Variants in PACSIN2 observed in about 807,000 individuals in gnomAD.
PACSIN2 encodes protein kinase C and casein kinase substrate in neurons protein 2.
In PACSIN2, 25 loss-of-function variants were observed where a neutral mutation model predicts 63.8. The ratio of observed to expected loss-of-function variants is 0.39; its 90% CI spans 0.29 to 0.55. PACSIN2 has a LOEUF of 0.55. Ranked by LOEUF, PACSIN2 falls within the 20% of genes least tolerant of loss-of-function variation. The pLI is 0.62. For missense variants in PACSIN2, 518 were observed against 646.9 expected, an observed-to-expected ratio of 0.80 and a Z score of 2.16; for synonymous variants, 255 against 256.2, an observed-to-expected ratio of 1.00 and a Z score of 0.05.
intron 2 of PACSIN2, among the ~76,000 whole-genome samples, chr22:42,903,842 T>G (rs1930871741): frequency 6.6e-6 from 1 of 152,184 alleles, no homozygotes; most frequent in Non-Finnish European, 1.5e-5. Flanking sequence ...ACTTGGGGTT[T>G]TCAGTTCTTG....
intron 1 of PACSIN2, among the ~76,000 whole-genome samples, chr22:42,950,078 T>C (rs1411017110): frequency 6.6e-6 from 1 of 152,002 alleles, no homozygotes; most frequent in Non-Finnish European, 1.5e-5. Flanking sequence ...GAATCGAAAA[T>C]ATACGGGGGA....
chr22:42,943,708 T>G (rs1197146393), intron 1 of PACSIN2, among the ~76,000 whole-genome samples: 1 of 152,200 alleles, frequency 6.6e-6, no homozygotes, highest in Non-Finnish European at 1.5e-5. Flanking sequence ...TATATTTTGA[T>G]GAATTTCAAG....
Position 42,884,554 on chromosome 22 carries a change from T to C in PACSIN2, c.617A>G (p.Glu206Gly), listed in dbSNP as rs1929337292. 1.9e-6 allele frequency: 3 copies of C among 1,613,248 alleles called. No individual in the cohort carries two copies. Among genetic ancestry groups the C allele is most frequent in the Non-Finnish European group, 2.5e-6 (3 of 1,179,638 alleles). The change falls in exon 6 of 11, where the codon GAG becomes GGG. Residue 206 changes from glutamate to glycine, a missense_variant. Physicochemically the swap from Glu to Gly is moderately conservative, Grantham distance 98. Coordinates refer to ENST00000263246, the MANE Select transcript of PACSIN2 (RefSeq NM_001184970.3). ...KCKQDVLKTK[E>G]KYEKSLKELD... is the part of the protein sequence containing the mutation. Reference sequence around the variant, plus strand: ...TTCCTTCAGGGACTTCTCATACTTCTCTTTGGTCTAAAGGAAAATCCAGGC... The same window carrying C: ...TTCCTTCAGGGACTTCTCATACTTCCCTTTGGTCTAAAGGAAAATCCAGGC...
At chr22:42,884,611 T>C (rs776490456) in intron 5 of PACSIN2, 50 bp from the exon 6 acceptor site, 10 of 1,493,980 alleles carry the variant, frequency 6.7e-6, no homozygotes, top group Non-Finnish European at 9.2e-6. Flanking sequence ...ATTTAGCCCT[T>C]GGCTCACCCT....
At chr22:42,993,111 T>C (rs112149965) in intron 1 of PACSIN2, among the ~76,000 whole-genome samples, 11,622 of 151,360 alleles carry the variant, frequency 0.077, 589 homozygotes, top group Non-Finnish European at 0.11. Flanking sequence ...GAGGCGGAGG[T>C]TGCAGTGAGT....
chr22:42,957,344 T>C lies in PACSIN2; in HGVS notation c.-77-45187A>G, dbSNP rs78430113. Reference sequence around the variant, plus strand: ...CCAGTTTTCCTGAAGTGCTTTTGTTTCAGAAATTCTTCAAGGCATATATTC... The same window carrying C: ...CCAGTTTTCCTGAAGTGCTTTTGTTCCAGAAATTCTTCAAGGCATATATTC... On this transcript the variant is annotated intron_variant, in intron 1 of 10. Coordinates refer to ENST00000263246, the MANE Select transcript of PACSIN2 (RefSeq NM_001184970.3). 4.3e-3 allele frequency among the ~76,000 whole-genome samples: 650 copies of C among 152,362 alleles called. 3 individuals are homozygous for C. Among genetic ancestry groups the C allele is most frequent in the African/African-American group, 0.015 (614 of 41,588 alleles).
At chr22:42,999,176 G>C (rs193237416) in intron 1 of PACSIN2, among the ~76,000 whole-genome samples, 186 of 152,328 alleles carry the variant, frequency 1.2e-3, no homozygotes, top group Admixed American at 2.7e-3. Context: ...CCTAGACACT[G>C]CTGTGGGGCC....
intron 5 of PACSIN2, 59 bp from the exon 6 acceptor site, chr22:42,884,620 C>G: frequency 6.9e-7 from 1 of 1,452,446 alleles, no homozygotes; most frequent in Non-Finnish European, 9.5e-7. Context: ...TTGGCTCACC[C>G]TGCCCCTGGA....
At chr22:42,991,280 C>T (rs968197979) in intron 1 of PACSIN2, among the ~76,000 whole-genome samples, 1 of 152,094 alleles carries the variant, frequency 6.6e-6, no homozygotes, top group Admixed American at 6.6e-5. Flanking sequence ...TAAAGCTGGT[C>T]AAGGACAAGC....
chr22:42,993,099 G>A (rs531433667), intron 1 of PACSIN2, among the ~76,000 whole-genome samples: 87 of 152,126 alleles, frequency 5.7e-4, no homozygotes, highest in African/African-American at 2.0e-3. Flanking sequence ...ACTTCAACCC[G>A]GGAGGCGGAG....
chr22:42,936,169 T>C lies in PACSIN2; in HGVS notation c.-77-24012A>G, dbSNP rs146868509. On this transcript the variant is annotated intron_variant, in intron 1 of 10. Coordinates refer to ENST00000263246, the MANE Select transcript of PACSIN2 (RefSeq NM_001184970.3). The stretch of plus-strand genomic sequence containing the variant: ...AGGCGGAGCTTGCAGTGAGCCAAGA[T>C]TGCGCCACTGCACTCCAGCCTGGGC... Among the ~76,000 whole-genome samples, 184 of 151,496 alleles carry C rather than the reference T, an allele frequency of 1.2e-3. 2 individuals are homozygous for C. Among genetic ancestry groups the C allele is most frequent in the Non-Finnish European group, 2.1e-3 (141 of 67,944 alleles).
intron 1 of PACSIN2, among the ~76,000 whole-genome samples, chr22:42,945,242 G>A (rs912676692): frequency 1.3e-5 from 2 of 152,004 alleles, no homozygotes; most frequent in East Asian, 1.9e-4. Flanking sequence ...AGTGGGGGAC[G>A]AGGGCAAGAG....
chr22:42,889,368 GTT>G (rs1265264494), intron 4 of PACSIN2, among the ~76,000 whole-genome samples: 2 of 7,980 alleles, frequency 2.5e-4, no homozygotes, highest in East Asian at 3.3e-3. Flanking sequence ...GGTTTTAATG[GTT>G]TTTACACACA....
intron 2 of PACSIN2, among the ~76,000 whole-genome samples, chr22:42,895,773 C>T (rs1930234788): frequency 6.6e-6 from 1 of 152,206 alleles, no homozygotes; most frequent in African/African-American, 2.4e-5. Flanking sequence ...GGACAAGAGG[C>T]AAGTTGGCTG....
chr22:42,993,981 G>A (rs764596833), intron 1 of PACSIN2, among the ~76,000 whole-genome samples: 9 of 152,150 alleles, frequency 5.9e-5, no homozygotes, highest in Non-Finnish European at 1.5e-5. Flanking sequence ...GTTTGCTGCT[G>A]GGACAAGTTC....
At chr22:42,885,568 C>A (rs997850049) in intron 5 of PACSIN2, among the ~76,000 whole-genome samples, 2 of 152,134 alleles carry the variant, frequency 1.3e-5, no homozygotes, top group African/African-American at 4.8e-5. Flanking sequence ...TCTCTGCCCC[C>A]AGCTGGGACT....
At chr22:42,902,945 C>T (rs959682813) in intron 2 of PACSIN2, among the ~76,000 whole-genome samples, 2 of 152,194 alleles carry the variant, frequency 1.3e-5, no homozygotes, top group African/African-American at 4.8e-5. Context: ...GCGAGTCACA[C>T]GAGCTCTCTC....
chr22:42,907,709 C>G (rs577953533), intron 2 of PACSIN2, among the ~76,000 whole-genome samples: 1 of 152,394 alleles, frequency 6.6e-6, no homozygotes, highest in East Asian at 1.9e-4. Flanking sequence ...GGGCACTGCT[C>G]TGCCGCCTCC....
intron 2 of PACSIN2, among the ~76,000 whole-genome samples, chr22:42,899,163 T>C (rs907690680): frequency 6.6e-6 from 1 of 152,214 alleles, no homozygotes; most frequent in South Asian, 2.1e-4. Context: ...TCTCCATTGC[T>C]TTCCACAGGG....
Sources: gnomAD v4.1 joint callset for allele counts (sites outside exome capture counted in the v4.1 genomes callset) on GRCh38, gnomAD v4.1.1 for gene constraint, MANE v1.5 for transcripts, NCBI Gene and HGNC (gene_info 2026-07-23, HGNC 2026-07-21) for gene names.